Variants in CRPPA observed in about 807,000 individuals in gnomAD.
The protein encoded by CRPPA is CDP-L-ribitol pyrophosphorylase A.
Under a neutral mutation model 52.0 loss-of-function variants are expected in CRPPA, and 43 were observed. The ratio of observed to expected loss-of-function variants is 0.83; its 90% confidence interval spans 0.65 to 1.07. The LOEUF is 1.07. Among genes scored for constraint, CRPPA ranks in the 50% least tolerant of loss-of-function variants. CRPPA has a pLI of 0.00. For synonymous variants in CRPPA, 250 were observed against 203.5 expected (o/e 1.23, Z -1.94); for missense variants, 629 against 551.7 (o/e 1.14, Z -1.40).
chr7:16,219,008 C>A (rs1269985179), intron 8 of CRPPA, among the ~76,000 whole-genome samples: 2 of 152,118 alleles, frequency 1.3e-5, no homozygotes, highest in Non-Finnish European at 2.9e-5. Flanking sequence ...AGCACCACAC[C>A]AAACCTATTC....
At chr7:16,244,815 G>A (rs1383833386) in intron 8 of CRPPA, among the ~76,000 whole-genome samples, 1 of 152,086 alleles carries the variant, frequency 6.6e-6, no homozygotes, top group East Asian at 1.9e-4. Context: ...GTAAACCATT[G>A]CAAATCTCAG....
At chr7:16,314,194 G>C (rs1476085418) in intron 3 of CRPPA, among the ~76,000 whole-genome samples, 2 of 151,520 alleles carry the variant, frequency 1.3e-5, no homozygotes, top group African/African-American at 4.9e-5. Context: ...TGTTAGATGT[G>C]TACACATTAA....
chr7:16,090,423 G>T lies in CRPPA; in HGVS notation c.*1272C>A, dbSNP rs1013432540. The T allele has an allele frequency of 3.3e-5, 5 of 151,934 alleles. No homozygotes were observed. The highest frequency in any genetic ancestry group is 1.2e-4 in the African/African-American group (5 of 41,328). 9.4% of individuals were successfully genotyped at this position (151,934 alleles called of 1,614,324 possible). ...GTTTCAATAAAATAAATGTATGTTG[G>T]CTGGGTATGGTGGCTCACACCTATA... On this transcript the variant is annotated 3_prime_UTR_variant, in exon 10 of 10. Coordinates refer to ENST00000407010, the MANE Select transcript of CRPPA (RefSeq NM_001101426.4).
At chr7:16,185,063 T>C (rs1490388326) in intron 9 of CRPPA, among the ~76,000 whole-genome samples, 1 of 152,204 alleles carries the variant, frequency 6.6e-6, no homozygotes, top group Non-Finnish European at 1.5e-5. Context: ...TATCTCTCCA[T>C]GTGTATTAGT....
At chr7:16,308,703 T>C (rs1784970172) in intron 3 of CRPPA, 76 bp from the exon 4 acceptor site, 5 of 883,284 alleles carry the variant, frequency 5.7e-6, no homozygotes, top group Non-Finnish European at 9.2e-6. Context: ...TATTTCATAA[T>C]CCATTGCAAA....
chr7:16,192,376 T>G (rs945827682), intron 9 of CRPPA, among the ~76,000 whole-genome samples: 1 of 152,146 alleles, frequency 6.6e-6, no homozygotes, highest in African/African-American at 2.4e-5. Context: ...TGCTTAGAGA[T>G]GCACAGATAA....
chr7:16,282,724 TA>T (rs1475416815), intron 5 of CRPPA, among the ~76,000 whole-genome samples: 1 of 152,054 alleles, frequency 6.6e-6, no homozygotes, highest in Non-Finnish European at 1.5e-5. Context: ...GAGCAAAACA[TA>T]AGGATGTAGA....
At chr7:16,375,800 G>T (rs1262864587) in intron 3 of CRPPA, among the ~76,000 whole-genome samples, 1 of 152,122 alleles carries the variant, frequency 6.6e-6, no homozygotes, top group Non-Finnish European at 1.5e-5. Context: ...GGGCATAAAT[G>T]TCACACACAA....
At chr7:16,331,001 T>C (rs967527069) in intron 3 of CRPPA, among the ~76,000 whole-genome samples, 26 of 152,058 alleles carry the variant, frequency 1.7e-4, no homozygotes, top group African/African-American at 5.8e-4. Context: ...TTTTGTTTTG[T>C]TTTGTTTTGT....
chr7:16,351,201 C>T (rs1786141835), intron 3 of CRPPA, among the ~76,000 whole-genome samples: 1 of 152,008 alleles, frequency 6.6e-6, no homozygotes, highest in South Asian at 2.1e-4. Flanking sequence ...AAACCGGCTA[C>T]CCATATGCTG....
chr7:16,412,615 T>C, intron 1 of CRPPA, among the ~76,000 whole-genome samples: 1 of 152,332 alleles, frequency 6.6e-6, no homozygotes, highest in Non-Finnish European at 1.5e-5. Flanking sequence ...AAAAGTCTTT[T>C]ATAGTATTAA....
chr7:16,094,540 CAGG>C (rs1781897374), intron 9 of CRPPA, among the ~76,000 whole-genome samples: 1 of 151,346 alleles, frequency 6.6e-6, no homozygotes, highest in Admixed American at 6.6e-5. Context: ...AGGTGCAATA[CAGG>C]AGATCATTTT....
At chr7:16,219,994 A>G (rs925307401) in intron 8 of CRPPA, among the ~76,000 whole-genome samples, 2 of 144,180 alleles carry the variant, frequency 1.4e-5, no homozygotes, top group African/African-American at 5.1e-5. Context: ...CAACCAAAAA[A>G]GAGAATTTTA....
intron 2 of CRPPA, among the ~76,000 whole-genome samples, chr7:16,389,930 T>G: frequency 1.8e-5 from 1 of 55,668 alleles, no homozygotes; most frequent in Non-Finnish European, 2.9e-5. Context: ...AAAAAAAAAA[T>G]ATATATATAT....
chr7:16,286,062 T>TTTAAAAAAAAAAAAAA (rs1562608492), intron 5 of CRPPA, among the ~76,000 whole-genome samples: 7 of 32,354 alleles, frequency 2.2e-4, no homozygotes, highest in Non-Finnish European at 3.2e-4. Context: ...TATATATATA[T>TTTAAAAAAAAAAAAAA]ATATATATAT....
chr7:16,392,552 G>A (rs908947725), intron 2 of CRPPA, among the ~76,000 whole-genome samples: 3 of 152,042 alleles, frequency 2.0e-5, no homozygotes, highest in African/African-American at 7.2e-5. Flanking sequence ...TTCAGTTTTG[G>A]TGGGAGGGAG....
intron 3 of CRPPA, among the ~76,000 whole-genome samples, chr7:16,357,253 A>G (rs1786325491): frequency 6.6e-6 from 1 of 152,096 alleles, no homozygotes; most frequent in Non-Finnish European, 1.5e-5. Flanking sequence ...ATCTCTGCTC[A>G]CTGCAACCGC....
chr7:16,392,332 A>G lies in CRPPA; in HGVS notation c.534+13729T>C, dbSNP rs934736848. Among the ~76,000 whole-genome samples, 5 of 152,164 alleles carry G rather than the reference A, an allele frequency of 3.3e-5. No homozygotes were observed. The East Asian group carries it at 9.6e-4, about 29-fold the overall frequency. ...CAGCCTTACAAAATGGCAGAATATT[A>G]TATCATCACCCATGCAGAAAACATC... On this transcript the variant is annotated intron_variant, in intron 2 of 9. Coordinates refer to ENST00000407010, the MANE Select transcript of CRPPA (RefSeq NM_001101426.4).
chr7:16,320,678 C>T (rs1207978040), intron 3 of CRPPA, among the ~76,000 whole-genome samples: 1 of 152,128 alleles, frequency 6.6e-6, no homozygotes, highest in Admixed American at 6.6e-5. Flanking sequence ...CACAATGTTT[C>T]AAGTAGAAAC....
Sources: allele counts gnomAD v4.1 joint callset (sites outside exome capture counted in the v4.1 genomes callset), GRCh38; gene constraint gnomAD v4.1.1; transcripts MANE v1.5; gene names NCBI Gene and HGNC (gene_info 2026-07-23, HGNC 2026-07-21).